SYT14: variants seen among roughly 807,000 people sequenced by gnomAD.
The protein encoded by SYT14 is synaptotagmin 14, also known as synaptotagmin-14.
SYT14 carries 32 observed loss-of-function variants against 74.2 expected under a neutral mutation model. That is an observed-to-expected ratio of 0.43 (90% CI 0.33 to 0.58). SYT14 has a LOEUF of 0.58. Among genes scored for constraint, SYT14 ranks in the 20% least tolerant of loss-of-function variants. The probability of loss-of-function intolerance (pLI) is 0.05; values close to 1 mark genes in which losing one functional copy is unlikely to be tolerated. For missense variants in SYT14, 791 were observed against 981.8 expected (o/e 0.81, Z 2.60); for synonymous variants, 298 against 337.7 (o/e 0.88, Z 1.29).
chr1:210,112,206 A>T (rs1367692103), intron 7 of SYT14, among the ~76,000 whole-genome samples: 2 of 151,260 alleles, frequency 1.3e-5, no homozygotes, highest in Non-Finnish European at 2.9e-5. Flanking sequence ...TTCCTGACTC[A>T]GGGCATGTGA....
Position 210,045,470 on chromosome 1 carries a change from C to T in SYT14, c.1312+24216C>T, listed in dbSNP as rs138092553. Among the ~76,000 whole-genome samples the T allele has an allele frequency of 3.7e-3, 562 of 152,096 alleles. 2 individuals carry two copies. The highest frequency in any genetic ancestry group is 6.8e-3 in the Middle Eastern group (2 of 294). ...TATTCTTTTTTTGTTGTTGTTTTTG[C>T]GTTCAGATAAAATTAACTTTAAATA... On this transcript the variant is annotated intron_variant, in intron 5 of 9. Coordinates refer to ENST00000637265, the Ensembl canonical transcript of SYT14.
chr1:210,017,354 C>T (rs550215043), intron 4 of SYT14, among the ~76,000 whole-genome samples: 1 of 152,034 alleles, frequency 6.6e-6, no homozygotes, highest in Non-Finnish European at 1.5e-5. Flanking sequence ...TTCAGCAGCC[C>T]TAGTTTTTCT....
intron 2 of SYT14, among the ~76,000 whole-genome samples, chr1:209,963,043 T>C (rs1572075047): frequency 6.6e-6 from 1 of 152,168 alleles, no homozygotes; most frequent in Non-Finnish European, 1.5e-5. Flanking sequence ...AGTTGAGTTA[T>C]GGACTTAATA....
In SYT14 at chr1:209,964,498, G is replaced by C. The variant is rs548103964; in HGVS notation, c.-486+11742G>C. On this transcript the variant is annotated intron_variant, in intron 2 of 9. Transcript: ENST00000637265. ...AGGCTTTTGTTGCCTAGTAGAAAAG[G>C]GTTTCTTGCATTAGTGTTCATTTTA... Among the ~76,000 whole-genome samples the C allele has an allele frequency of 4.6e-5, 7 of 152,070 alleles. 1 individual carries two copies. In the East Asian group the frequency reaches 1.4e-3, roughly 29 times the overall value.
intron 2 of SYT14, among the ~76,000 whole-genome samples, chr1:209,977,034 C>CT (rs1053622711): frequency 1.6e-4 from 24 of 151,894 alleles, no homozygotes; most frequent in Admixed American, 4.6e-4. Context: ...CAACCCCTGC[C>CT]TTTTTTTTGT....
intron 9 of SYT14, among the ~76,000 whole-genome samples, chr1:210,160,185 AT>A (rs1558230652): frequency 6.6e-6 from 1 of 151,872 alleles, no homozygotes; most frequent in African/African-American, 2.4e-5. Context: ...CCATGCAGAG[AT>A]TTTTTTTGAC....
At chr1:210,118,373 T>G (rs1212475374) in intron 7 of SYT14, among the ~76,000 whole-genome samples, 1 of 152,180 alleles carries the variant, frequency 6.6e-6, no homozygotes, top group African/African-American at 2.4e-5. Flanking sequence ...AAACATGCCT[T>G]CTTCATTATT....
chr1:209,941,378 C>T (rs1053669664), intron 1 of SYT14, among the ~76,000 whole-genome samples: 3 of 152,194 alleles, frequency 2.0e-5, no homozygotes, highest in Non-Finnish European at 2.9e-5. Context: ...ACAATAGTTA[C>T]ACATCCTTAC....
chr1:209,960,702 A>C (rs1178890573), intron 2 of SYT14, among the ~76,000 whole-genome samples: 1 of 152,168 alleles, frequency 6.6e-6, no homozygotes, highest in Admixed American at 6.5e-5. Context: ...TAACATCTTA[A>C]AGTGAGTAGT....
At chr1:209,960,603 AG>A (rs200985882) in intron 2 of SYT14, among the ~76,000 whole-genome samples, 1,784 of 152,256 alleles carry the variant, frequency 0.012, 15 homozygotes, top group Admixed American at 0.018. Context: ...TCTTGAAGCT[AG>A]GTTGGCCACC....
At chr1:209,955,623 A>G (rs908926362) in intron 2 of SYT14, among the ~76,000 whole-genome samples, 4 of 152,158 alleles carry the variant, frequency 2.6e-5, no homozygotes, top group Admixed American at 6.5e-5. Context: ...GTGATTTTCA[A>G]AAATGTAAAT....
intron 8 of SYT14, among the ~76,000 whole-genome samples, chr1:210,158,907 T>C (rs1405761683): frequency 6.6e-6 from 1 of 152,146 alleles, no homozygotes; most frequent in Non-Finnish European, 1.5e-5. Context: ...TGTTATAGAC[T>C]GAATAATCCC....
chr1:209,973,200 T>C (rs1387080946), intron 2 of SYT14, among the ~76,000 whole-genome samples: 1 of 152,158 alleles, frequency 6.6e-6, no homozygotes, highest in East Asian at 1.9e-4. Context: ...GATAGATCTT[T>C]CATTTCATTT....
rs35720692 is a variant in SYT14 at position 210,027,415 on chromosome 1, C to CAA, written c.1312+6173_1312+6174dup. ...AGGCAACAGAGTGAGACCCTGTTCC[C>CAA]AAAAAAAAAAAAAGTCATAAGGAAA... On this transcript the variant is annotated intron_variant, in intron 5 of 9. Transcript: ENST00000637265. 3.8e-5 allele frequency among the ~76,000 whole-genome samples: 5 copies of CAA among 132,774 alleles called. No individual in the cohort carries two copies. In the South Asian group the frequency reaches 7.1e-4, roughly 19 times the overall value. 87.1% of individuals were successfully genotyped at this position (132,774 alleles called of 152,430 possible).
intron 2 of SYT14, among the ~76,000 whole-genome samples, chr1:209,993,271 C>T (rs2079726583): frequency 6.6e-6 from 1 of 152,222 alleles, no homozygotes; most frequent in African/African-American, 2.4e-5. Context: ...GCAAGCTCGC[C>T]TGTCGACTGC....
In SYT14 at chr1:210,068,087, C is replaced by G. The variant is rs191806458; in HGVS notation, c.1313-26235C>G. On this transcript the variant is annotated intron_variant, in intron 5 of 9. Coordinates refer to ENST00000637265, the Ensembl canonical transcript of SYT14. ...GTTTGCTCTGGTTATTTGGAAGATA[C>G]CTCTTATTGAATTAAGGAAATTCCC... Among the ~76,000 whole-genome samples, 69 of 151,912 alleles carry G rather than the reference C, an allele frequency of 4.5e-4. No homozygotes were observed. The East Asian group carries it at 9.9e-3, about 22-fold the overall frequency.
intron 7 of SYT14, among the ~76,000 whole-genome samples, chr1:210,152,958 C>T (rs529093636): frequency 6.6e-6 from 1 of 152,206 alleles, no homozygotes; most frequent in South Asian, 2.1e-4. Flanking sequence ...CTTAAAATCA[C>T]ATTTGTAAAT....
chr1:210,023,583 C>G (rs1467437831), intron 5 of SYT14, among the ~76,000 whole-genome samples: 1 of 152,032 alleles, frequency 6.6e-6, no homozygotes, highest in Non-Finnish European at 1.5e-5. Context: ...ACCTTGTGAT[C>G]TGCCCGCCTC....
At chr1:209,985,239 C>T (rs1036338611) in intron 2 of SYT14, among the ~76,000 whole-genome samples, 1 of 152,240 alleles carries the variant, frequency 6.6e-6, no homozygotes, top group Non-Finnish European at 1.5e-5. Flanking sequence ...TCCCAAGATA[C>T]AGTGTGGATA....
Sources: gnomAD v4.1 joint callset for allele counts (sites outside exome capture counted in the v4.1 genomes callset) on GRCh38, gnomAD v4.1.1 for gene constraint, MANE v1.5 for transcripts, NCBI Gene and HGNC (gene_info 2026-07-23, HGNC 2026-07-21) for gene names.